Variants in SMG6 observed in about 807,000 individuals in gnomAD.
The protein encoded by SMG6 is telomerase-binding protein EST1A.
In SMG6, 66 loss-of-function variants were observed where a neutral mutation model predicts 142.2. That is an observed-to-expected ratio of 0.46 (90% CI 0.38 to 0.57). The LOEUF (loss-of-function observed/expected upper bound fraction) is 0.57. SMG6 is among the 20% of genes least tolerant of loss of function. The pLI is 0.00. For missense variants in SMG6, 1,793 were observed against 1,832.0 expected (o/e 0.98, Z 0.39); for synonymous variants, 779 against 702.4 (o/e 1.11, Z -1.72).
At chr17:2,105,511 C>T (rs1368282963) in intron 13 of SMG6, among the ~76,000 whole-genome samples, 1 of 151,994 alleles carries the variant, frequency 6.6e-6, no homozygotes, top group Non-Finnish European at 1.5e-5. Flanking sequence ...CCACTGCACT[C>T]CAGCCTGAGC....
At chr17:2,075,962 G>A (rs1035397125) in intron 15 of SMG6, among the ~76,000 whole-genome samples, 7 of 152,172 alleles carry the variant, frequency 4.6e-5, no homozygotes, top group Non-Finnish European at 1.0e-4. Flanking sequence ...GTGCAACGCC[G>A]GAAGCAGGGA....
intron 9 of SMG6, chr17:2,240,148 C>G (rs183917186): frequency 1.3e-5 from 2 of 152,298 alleles, no homozygotes; most frequent in Non-Finnish European, 2.9e-5. Flanking sequence ...AAGATACCAT[C>G]GTTTTCGGGC....
intron 10 of SMG6, among the ~76,000 whole-genome samples, chr17:2,210,148 T>C (rs2072805775): frequency 6.6e-6 from 1 of 152,146 alleles, no homozygotes; most frequent in African/African-American, 2.4e-5. Flanking sequence ...GGTAAGCCCT[T>C]TGTTATAGCT....
At chr17:2,275,520 T>G (rs1258673794) in intron 8 of SMG6, among the ~76,000 whole-genome samples, 1 of 152,210 alleles carries the variant, frequency 6.6e-6, no homozygotes, top group African/African-American at 2.4e-5. Flanking sequence ...ATGTATTACA[T>G]TCTATTCAAG....
chr17:2,124,141 G>A lies in SMG6; in HGVS notation c.3358-38240C>T, dbSNP rs182624200. Among the ~76,000 whole-genome samples, 304 of 152,372 alleles carry A rather than the reference G, an allele frequency of 2.0e-3. 2 individuals are homozygous for A. The highest frequency in any genetic ancestry group is 5.1e-3 in the African/African-American group (212 of 41,590). ...AGAGCTGAGCAGGCTGGGTGGGACA[G>A]TTGGGGCACTTCTAACTTCTGACAC... On this transcript the variant is annotated intron_variant, in intron 13 of 18. Transcript: ENST00000263073.
At chr17:2,099,083 G>C (rs2068937384) in intron 13 of SMG6, among the ~76,000 whole-genome samples, 2 of 152,182 alleles carry the variant, frequency 1.3e-5, no homozygotes, top group Admixed American at 6.5e-5. Flanking sequence ...TCTATCTGCA[G>C]TATTTAACAT....
At chr17:2,136,474 T>C (rs1053501909) in intron 13 of SMG6, among the ~76,000 whole-genome samples, 1 of 152,228 alleles carries the variant, frequency 6.6e-6, no homozygotes, top group African/African-American at 2.4e-5. Context: ...TAAATATCTG[T>C]GGCAAAATGT....
intron 10 of SMG6, among the ~76,000 whole-genome samples, chr17:2,210,828 C>A (rs1290889912): frequency 6.9e-6 from 1 of 144,208 alleles, no homozygotes. Context: ...GAGTGCTTAA[C>A]AAACCCTTGT....
chr17:2,132,884 G>A (rs941511598), intron 13 of SMG6, among the ~76,000 whole-genome samples: 39 of 152,202 alleles, frequency 2.6e-4, no homozygotes, highest in Non-Finnish European at 4.4e-5. Flanking sequence ...CCAGGCTCAA[G>A]CAATGTCCCT....
chr17:2,255,305 G>A (rs1278666469), intron 8 of SMG6, among the ~76,000 whole-genome samples: 1 of 149,320 alleles, frequency 6.7e-6, no homozygotes, highest in East Asian at 2.0e-4. Context: ...TCGGGAGGCT[G>A]AGGCAGGAGA....
At chr17:2,168,833 C>G (rs1052879996) in intron 13 of SMG6, among the ~76,000 whole-genome samples, 1 of 152,058 alleles carries the variant, frequency 6.6e-6, no homozygotes, top group African/African-American at 2.4e-5. Flanking sequence ...ACTGCAACCT[C>G]TACCTTCTGG....
intron 13 of SMG6, among the ~76,000 whole-genome samples, chr17:2,090,358 G>C (rs577864644): frequency 1.3e-5 from 2 of 152,174 alleles, no homozygotes; most frequent in East Asian, 1.9e-4. Context: ...GGGAGGGTAA[G>C]AGAGAACGGG....
rs2067766552 is a variant in SMG6 at position 2,061,289 on chromosome 17, C to T, written c.*203G>A. 3 of 563,698 alleles carry T rather than the reference C, an allele frequency of 5.3e-6. No homozygotes were observed. The highest frequency in any genetic ancestry group is 3.2e-5 in the Admixed American group (1 of 31,344). The allele number at this position is 563,698 out of a possible 1,614,324, so 34.9% of individuals were successfully genotyped here. Reference sequence around the variant, plus strand: ...TAAATCCTGGCAGCCCAGGAGGGTCCCAGCAGCTTCCGCCCGATCCTTGGG... The same window carrying T: ...TAAATCCTGGCAGCCCAGGAGGGTCTCAGCAGCTTCCGCCCGATCCTTGGG... On this transcript the variant is annotated 3_prime_UTR_variant, in exon 19 of 19. Coordinates refer to ENST00000263073, the MANE Select transcript of SMG6 (RefSeq NM_017575.5).
intron 14 of SMG6, chr17:2,082,230 C>T (rs1567582837): frequency 2.5e-6 from 1 of 403,586 alleles, no homozygotes; most frequent in Non-Finnish European, 4.6e-6. Flanking sequence ...TATATACCTG[C>T]GTGCTTTACT....
chr17:2,146,953 G>A (rs1340773919), intron 13 of SMG6, among the ~76,000 whole-genome samples: 1 of 152,160 alleles, frequency 6.6e-6, no homozygotes, highest in Non-Finnish European at 1.5e-5. Flanking sequence ...AGCTGGGTAG[G>A]GCAGTTAGGG....
chr17:2,189,037 T>C (rs943449632), intron 10 of SMG6, among the ~76,000 whole-genome samples: 1 of 152,216 alleles, frequency 6.6e-6, no homozygotes, highest in Non-Finnish European at 1.5e-5. Context: ...ACTTCCTCCA[T>C]GTCCCTCCTC....
chr17:2,266,036 T>C, intron 8 of SMG6: 1 of 985,396 alleles, frequency 1.0e-6, no homozygotes, highest in Non-Finnish European at 1.2e-6. Flanking sequence ...TTTCAAACAC[T>C]TTACCAGGAA....
intron 13 of SMG6, 136 bp from the exon 14 acceptor site, chr17:2,086,037 G>C (rs550709826): frequency 2.3e-6 from 2 of 868,768 alleles, no homozygotes; most frequent in African/African-American, 3.4e-5. Context: ...TGAATGACGG[G>C]GTGCGGAGGG....
intron 12 of SMG6, among the ~76,000 whole-genome samples, chr17:2,178,687 G>A (rs1319791083): frequency 6.6e-6 from 1 of 152,120 alleles, no homozygotes; most frequent in Non-Finnish European, 1.5e-5. Context: ...CGCCTTATTT[G>A]ATTTCAGTTC....
Sources: allele counts gnomAD v4.1 joint callset (sites outside exome capture counted in the v4.1 genomes callset), GRCh38; gene constraint gnomAD v4.1.1; transcripts MANE v1.5; gene names NCBI Gene and HGNC (gene_info 2026-07-23, HGNC 2026-07-21).